The following KIF5C variants were observed in gnomAD, a reference collection of about 807,000 sequenced individuals.
KIF5C encodes kinesin family member 5C.
In KIF5C, 18 loss-of-function variants were observed where a neutral mutation model predicts 125.2. That is an observed-to-expected ratio of 0.14 (90% CI 0.10 to 0.21). KIF5C has a LOEUF of 0.21. Ranked by LOEUF, KIF5C falls within the 10% of genes least tolerant of loss-of-function variation. The pLI is 1.00. For synonymous variants in KIF5C, 405 were observed against 434.0 expected (o/e 0.93, Z 0.83); for missense variants, 780 against 1,183.8 (o/e 0.66, Z 5.01).
rs1019983807 is a variant in KIF5C at position 148,930,883 on chromosome 2, C to T, written c.291+1529C>T. On this transcript the variant is annotated intron_variant, in intron 3 of 25. Transcript: ENST00000435030. ...ACTCTACTGCAGAACGTCTTGGAAA[C>T]GCCACCCTGCTATCCTCACGCTCCT... 9.2e-5 allele frequency among the ~76,000 whole-genome samples: 14 copies of T among 152,164 alleles called. No homozygotes were observed. The East Asian group carries it at 1.2e-3, about 13-fold the overall frequency.
At chr2:148,974,913 T>C (rs1165713666) in intron 12 of KIF5C, among the ~76,000 whole-genome samples, 3 of 152,212 alleles carry the variant, frequency 2.0e-5, no homozygotes, top group Non-Finnish European at 4.4e-5. Flanking sequence ...CAGGGAACTT[T>C]CATTGATCCA....
chr2:148,925,865 G>C (rs1331208758), intron 2 of KIF5C, among the ~76,000 whole-genome samples: 2 of 152,226 alleles, frequency 1.3e-5, no homozygotes, highest in Non-Finnish European at 2.9e-5. Context: ...TTTCCATTCT[G>C]AAGATGCAGC....
intron 19 of KIF5C, among the ~76,000 whole-genome samples, chr2:148,999,413 G>A (rs905060707): frequency 1.3e-5 from 2 of 152,210 alleles, no homozygotes; most frequent in Non-Finnish European, 2.9e-5. Context: ...ACTGATCCAA[G>A]TCCCTTTTCA....
At chr2:148,905,705 G>A (rs1252005707) in intron 1 of KIF5C, among the ~76,000 whole-genome samples, 1 of 152,112 alleles carries the variant, frequency 6.6e-6, no homozygotes, top group Non-Finnish European at 1.5e-5. Flanking sequence ...ATGGAGCCAG[G>A]GTCAAGGAGT....
At chr2:148,958,577 A>G (rs887419162) in intron 10 of KIF5C, among the ~76,000 whole-genome samples, 1 of 152,194 alleles carries the variant, frequency 6.6e-6, no homozygotes, top group Admixed American at 6.5e-5. Flanking sequence ...TATTTTATAT[A>G]TCTTCTCCCA....
At chr2:148,925,407 G>GA (rs897657788) in intron 2 of KIF5C, among the ~76,000 whole-genome samples, 1 of 151,962 alleles carries the variant, frequency 6.6e-6, no homozygotes, top group East Asian at 1.9e-4. Flanking sequence ...TGACTCTGAA[G>GA]AAAAAAAATA....
At chr2:148,883,240 A>G (rs1460836110) in intron 1 of KIF5C, among the ~76,000 whole-genome samples, 6 of 152,172 alleles carry the variant, frequency 3.9e-5, no homozygotes, top group African/African-American at 1.2e-4. Context: ...AGTGGCTCAC[A>G]CCTGTAATCC....
chr2:148,949,550 GC>G (rs1410287824), intron 8 of KIF5C, among the ~76,000 whole-genome samples: 3 of 152,178 alleles, frequency 2.0e-5, no homozygotes, highest in African/African-American at 7.2e-5. Context: ...CACTTCTGGA[GC>G]CTGGTTTCCC....
At chr2:148,882,410 T>G (rs1681391579) in intron 1 of KIF5C, among the ~76,000 whole-genome samples, 1 of 152,126 alleles carries the variant, frequency 6.6e-6, no homozygotes, top group Non-Finnish European at 1.5e-5. Context: ...CTGATTAATC[T>G]TGGGAAGGTG....
At chr2:148,940,164 GGT>G (rs1281539497) in intron 4 of KIF5C, among the ~76,000 whole-genome samples, 2 of 152,274 alleles carry the variant, frequency 1.3e-5, no homozygotes, top group Admixed American at 6.5e-5. Context: ...GCTGAACCAG[GGT>G]GGAGTTGGCT....
intron 25 of KIF5C, among the ~76,000 whole-genome samples, chr2:149,018,940 C>T (rs897787343): frequency 4.6e-5 from 7 of 151,858 alleles, no homozygotes; most frequent in Non-Finnish European, 2.9e-5. Flanking sequence ...AGAATACTGC[C>T]GGGTTCATTT....
intron 15 of KIF5C, among the ~76,000 whole-genome samples, chr2:148,986,134 T>A (rs1681376058): frequency 6.6e-6 from 1 of 152,178 alleles, no homozygotes; most frequent in South Asian, 2.1e-4. Flanking sequence ...GAAGAAGGTA[T>A]TTTTATGCTA....
In KIF5C at chr2:149,010,357, T is replaced by A; in HGVS notation, c.2767+6T>A. On this transcript the variant is annotated splice_donor_region_variant and intron_variant, in intron 24 of 25. Transcript: ENST00000435030. Reference sequence around the variant, plus strand: ...GGCCCATTCAGCCCAGATCGGTACGTGCGTGCACAGTGGCGCCCGGGGTTT... The same window carrying A: ...GGCCCATTCAGCCCAGATCGGTACGAGCGTGCACAGTGGCGCCCGGGGTTT... 6.4e-7 allele frequency: 1 copy of A among 1,553,554 alleles called. No homozygotes were observed. Among genetic ancestry groups the A allele is most frequent in the Non-Finnish European group, 8.7e-7 (1 of 1,151,242 alleles).
intron 23 of KIF5C, among the ~76,000 whole-genome samples, chr2:149,008,492 C>G (rs2105197239): frequency 6.6e-6 from 1 of 152,270 alleles, no homozygotes; most frequent in Non-Finnish European, 1.5e-5. Flanking sequence ...AGACTGGTGC[C>G]TTGCTTCATT....
intron 18 of KIF5C, chr2:148,997,891 C>A: frequency 6.0e-6 from 1 of 166,086 alleles, no homozygotes; most frequent in South Asian, 1.6e-4. Context: ...TGCCCTTGCT[C>A]CAGCCAGCAG....
At chr2:148,943,731 A>G (rs1237546373) in intron 7 of KIF5C, among the ~76,000 whole-genome samples, 3 of 152,130 alleles carry the variant, frequency 2.0e-5, no homozygotes, top group Admixed American at 1.3e-4. Context: ...TTATGTTGTA[A>G]AAGAGATTCA....
chr2:148,916,317 C>T (rs1435952391), intron 1 of KIF5C, among the ~76,000 whole-genome samples: 2 of 152,208 alleles, frequency 1.3e-5, no homozygotes, highest in African/African-American at 4.8e-5. Flanking sequence ...TGTGAATAGA[C>T]TTTATGAATG....
chr2:148,973,407 C>G lies in KIF5C; in HGVS notation c.1189C>G (p.Pro397Ala), dbSNP rs200643158. The G allele has an allele frequency of 1.9e-6, 3 of 1,613,714 alleles. No individual in the cohort carries two copies. The highest frequency in any genetic ancestry group is 2.5e-6 in the Non-Finnish European group (3 of 1,179,728). The change falls in exon 12 of 26, where the codon CCC becomes GCC. Residue 397 changes from proline to alanine, a missense_variant. By Grantham distance (27) the Pro-to-Ala change is conservative. Transcript: ENST00000435030. Reference sequence around the variant, plus strand: ...GAACCTGGAGCCTTGTGATAACACCCCCATCATAGACAATATTGCTCCTGT... The same window carrying G: ...GAACCTGGAGCCTTGTGATAACACCGCCATCATAGACAATATTGCTCCTGT... Reference protein sequence around the residue: ...QKNLEPCDNTPIIDNIAPVVA... With the variant: ...QKNLEPCDNTAIIDNIAPVVA...
At chr2:148,948,635 A>G (rs1488460264) in intron 8 of KIF5C, among the ~76,000 whole-genome samples, 2 of 152,050 alleles carry the variant, frequency 1.3e-5, no homozygotes, top group Non-Finnish European at 2.9e-5. Flanking sequence ...TGACTGTGTC[A>G]GTGTGATCTT....
Sources: allele counts gnomAD v4.1 joint callset (sites outside exome capture counted in the v4.1 genomes callset), GRCh38; gene constraint gnomAD v4.1.1; transcripts MANE v1.5; gene names NCBI Gene and HGNC (gene_info 2026-07-23, HGNC 2026-07-21).